AOX1: variants seen among roughly 807,000 people sequenced by gnomAD.
AOX1 encodes the protein aldehyde oxidase 1.
A neutral mutation model predicts 169.5 loss-of-function variants in AOX1; 153 were observed. The ratio of observed to expected loss-of-function variants is 0.90; its 90% CI spans 0.79 to 1.03. The LOEUF is 1.03. AOX1 is among the 50% of genes least tolerant of loss of function. The pLI is 0.00. For missense variants in AOX1, 1,656 were observed against 1,663.9 expected, an observed-to-expected ratio of 1.00 and a Z score of 0.08; for synonymous variants, 562 against 581.9, an observed-to-expected ratio of 0.97 and a Z score of 0.49.
chr2:200,638,322 G>A lies in AOX1; in HGVS notation c.2568+20G>A, dbSNP rs1337633628. ...TACAAAGTGAGTACAAGAGGGCATG[G>A]AGGAAGGATTTATGTTGTAGATACA... On this transcript the variant is annotated intron_variant, in intron 23 of 34. Coordinates refer to ENST00000374700, the MANE Select transcript of AOX1 (RefSeq NM_001159.4). The A allele has an allele frequency of 6.8e-6, 11 of 1,608,626 alleles. No homozygotes were observed. The highest frequency in any genetic ancestry group is 7.7e-6 in the Non-Finnish European group (9 of 1,175,472).
chr2:200,680,197 G>C (rs1262289733), downstream of AOX1, among the ~76,000 whole-genome samples: 7 of 152,202 alleles, frequency 4.6e-5, no homozygotes, highest in African/African-American at 1.2e-4. Flanking sequence ...ATAGTTTTGT[G>C]ACCTGAATGT....
At chr2:200,586,298 G>C (rs557545090) in intron 1 of AOX1, 145 bp downstream of exon 1, 1 of 891,442 alleles carries the variant, frequency 1.1e-6, no homozygotes, top group Admixed American at 3.2e-5. Flanking sequence ...CAGCGGCTTT[G>C]CCTTCGCATT....
chr2:200,655,630 C>A (rs1029261659), intron 26 of AOX1, among the ~76,000 whole-genome samples: 1 of 152,164 alleles, frequency 6.6e-6, no homozygotes, highest in Non-Finnish European at 1.5e-5. Flanking sequence ...CCCTAGTTTA[C>A]ACCTGCCGAC....
chr2:200,621,478 A>C (rs2034885071), intron 18 of AOX1, among the ~76,000 whole-genome samples: 1 of 152,206 alleles, frequency 6.6e-6, no homozygotes, highest in Non-Finnish European at 1.5e-5. Flanking sequence ...ACATTTTCTA[A>C]TAGTGAGATG....
Position 200,656,959 on chromosome 2 carries a change from T to C in AOX1, c.3171+22T>C, listed in dbSNP as rs560554089. 42 of 1,490,946 alleles carry C rather than the reference T, an allele frequency of 2.8e-5. No individual in the cohort carries two copies. In the African/African-American group the frequency reaches 4.9e-4, roughly 18 times the overall value. The allele number at this position is 1,490,946 out of a possible 1,614,324, so 92.4% of individuals were successfully genotyped here. A position where few individuals can be genotyped will look rare whatever the true frequency, so the allele number is the denominator to read the frequency against. On this transcript the variant is annotated intron_variant, in intron 27 of 34. Coordinates refer to ENST00000374700, the MANE Select transcript of AOX1 (RefSeq NM_001159.4). ...TCAGGTAAGAATGCAAATAACTCGATTGAGTTGGGTGTGTGCTTATAGATC... is the reference window on the plus strand; with the variant it reads ...TCAGGTAAGAATGCAAATAACTCGACTGAGTTGGGTGTGTGCTTATAGATC...
intron 25 of AOX1, among the ~76,000 whole-genome samples, chr2:200,650,621 A>G (rs1223643109): frequency 6.6e-6 from 1 of 152,214 alleles, no homozygotes; most frequent in Non-Finnish European, 1.5e-5. Flanking sequence ...AGTAATCCAA[A>G]TCATGTGGCC....
chr2:200,670,481 C>T lies in AOX1; in HGVS notation c.3967-148C>T, dbSNP rs180866684. The T allele has an allele frequency of 6.1e-4, 402 of 663,550 alleles. No individual in the cohort carries two copies. The African/African-American group carries it at 6.4e-3, about 10-fold the overall frequency. 41.1% of individuals were successfully genotyped at this position (663,550 alleles called of 1,614,324 possible). On this transcript the variant is annotated intron_variant, in intron 34 of 34. Transcript: ENST00000374700. The stretch of plus-strand genomic sequence containing the variant: ...GACCTCTCCAGTCCTCCCCTGGCTT[C>T]CTCTATACTTCACAGGCTGTTGTTC...
rs115765682 is a variant in AOX1, at chr2:200,669,165, C to T, written c.3798+362C>T. 7.9e-3 allele frequency among the ~76,000 whole-genome samples: 1,205 copies of T among 152,180 alleles called. 14 individuals are homozygous for T. The highest frequency in any genetic ancestry group is 0.027 in the African/African-American group (1,108 of 41,494). On this transcript the variant is annotated intron_variant, in intron 33 of 34. Coordinates refer to ENST00000374700, the MANE Select transcript of AOX1 (RefSeq NM_001159.4). Reference sequence around the variant, plus strand: ...TTTGAAACAAAAAATTTATATAGGCCGGGCGCAGTGGCTCATGCCTATAAT... The same window carrying T: ...TTTGAAACAAAAAATTTATATAGGCTGGGCGCAGTGGCTCATGCCTATAAT...
rs936999525 is a variant in AOX1, at chr2:200,613,962, A to C, written c.1607A>C (p.Lys536Thr). ...FYLEVSQILK[K>T]MDPVHYPSLA... The stretch of plus-strand genomic sequence containing the variant: ...CTGGAAGTGTCACAGATTTTGAAAA[A>C]GATGGTAAACAACTGTTTACACATT... Residue 536 changes from lysine (K) to threonine (T), a missense_variant, in exon 15 of 35, where the codon AAG (lysine) becomes ACG (threonine). Physicochemically the swap from Lys to Thr is moderately conservative, Grantham distance 78. Coordinates refer to ENST00000374700, the MANE Select transcript of AOX1 (RefSeq NM_001159.4). 2 of 1,611,882 alleles carry C rather than the reference A, an allele frequency of 1.2e-6. No individual in the cohort carries two copies. The highest frequency in any genetic ancestry group is 2.7e-5 in the African/African-American group (2 of 74,838).
intron 29 of AOX1, 70 bp downstream of exon 29, chr2:200,660,139 G>C (rs2035792111): frequency 7.8e-7 from 1 of 1,281,160 alleles, no homozygotes; most frequent in African/African-American, 1.5e-5. Flanking sequence ...AGAGCAATGT[G>C]CATTAATTGA....
chr2:200,660,278 C>A (rs1014435588), intron 29 of AOX1, among the ~76,000 whole-genome samples: 1 of 152,182 alleles, frequency 6.6e-6, no homozygotes. Context: ...GGAAAATTTT[C>A]TGTTAGAGAA....
intron 26 of AOX1, among the ~76,000 whole-genome samples, chr2:200,652,263 T>G (rs2035593967): frequency 6.6e-6 from 1 of 152,274 alleles, no homozygotes; most frequent in East Asian, 1.9e-4. Context: ...GCTTTGATTG[T>G]AGGCAGGTGG....
intron 9 of AOX1, 117 bp downstream of exon 9, chr2:200,604,957 T>C: frequency 3.3e-6 from 3 of 914,100 alleles, no homozygotes; most frequent in Non-Finnish European, 5.0e-6. Context: ...CAGTCTGAAA[T>C]AGCATTTTTA....
At chr2:200,680,101 TAATAA>T (rs796771726), downstream of AOX1, among the ~76,000 whole-genome samples, 31 of 152,192 alleles carry the variant, frequency 2.0e-4, no homozygotes, top group African/African-American at 7.0e-4. Context: ...AAAATTAAGA[TAATAA>T]AATAAAATGA....
chr2:200,623,083 A>C (rs568967432), intron 18 of AOX1, among the ~76,000 whole-genome samples: 24 of 152,330 alleles, frequency 1.6e-4, no homozygotes, highest in African/African-American at 5.5e-4. Context: ...AAGACATAAT[A>C]GTTCAAAGTC....
At chr2:200,632,911 T>C (rs1432865781) in intron 20 of AOX1, among the ~76,000 whole-genome samples, 1 of 151,606 alleles carries the variant, frequency 6.6e-6, no homozygotes, top group Non-Finnish European at 1.5e-5. Flanking sequence ...TCTTTTTTTT[T>C]TTTCAGATGG....
chr2:200,610,965 T>C (rs1261297292), intron 12 of AOX1, among the ~76,000 whole-genome samples: 1 of 152,224 alleles, frequency 6.6e-6, no homozygotes, highest in Non-Finnish European at 1.5e-5. Flanking sequence ...GTGATTTTCC[T>C]GCCTCAGCTT....
At chr2:200,642,532 C>T (rs1379578731) in intron 24 of AOX1, 78 bp from the exon 25 acceptor site, 2 of 1,260,722 alleles carry the variant, frequency 1.6e-6, no homozygotes, top group Non-Finnish European at 2.2e-6. Context: ...CCATTTTCGG[C>T]CTGGTTTTGG....
Position 200,611,530 on chromosome 2 carries a change from T to C in AOX1, c.1263+37T>C, listed in dbSNP as rs764738703. ...CCACTGTCAATTTCCCAGTTGCACC[T>C]GTGATGCTATGGCTTGTTTATTCCA... On this transcript the variant is annotated intron_variant, in intron 13 of 34. Transcript: ENST00000374700. 3 of 1,284,406 alleles carry C rather than the reference T, an allele frequency of 2.3e-6. No individual in the cohort carries two copies. The Admixed American group carries it at 5.0e-5, about 22-fold the overall frequency. 79.6% of individuals were successfully genotyped at this position (1,284,406 alleles called of 1,614,324 possible). A position where few individuals can be genotyped will look rare whatever the true frequency, so the allele number is the denominator to read the frequency against.
Sources: gnomAD v4.1 joint callset for allele counts (sites outside exome capture counted in the v4.1 genomes callset) on GRCh38, gnomAD v4.1.1 for gene constraint, MANE v1.5 for transcripts, NCBI Gene and HGNC (gene_info 2026-07-23, HGNC 2026-07-21) for gene names.